Variants in GPAT4 observed in about 807,000 individuals in gnomAD.
GPAT4 encodes 1-AGP acyltransferase 6.
Under a neutral mutation model 58.0 loss-of-function variants are expected in GPAT4, and 17 were observed. The ratio of observed to expected loss-of-function variants is 0.29; its 90% CI spans 0.20 to 0.44. The LOEUF is 0.44. GPAT4 is among the 20% of genes least tolerant of loss of function. The pLI, the probability that GPAT4 is intolerant of heterozygous loss-of-function variation, is 1.00. For synonymous variants in GPAT4, 204 were observed against 210.1 expected (o/e 0.97, Z 0.25); for missense variants, 377 against 574.5 (o/e 0.66, Z 3.51).
chr8:41,600,983 C>T (rs1225592354), intron 2 of GPAT4, among the ~76,000 whole-genome samples: 2 of 152,034 alleles, frequency 1.3e-5, no homozygotes, highest in Non-Finnish European at 2.9e-5. Context: ...TACTGTATGT[C>T]TCTACCATAA....
At chr8:41,618,081 C>A (rs1803645332) in intron 10 of GPAT4, among the ~76,000 whole-genome samples, 1 of 152,234 alleles carries the variant, frequency 6.6e-6, no homozygotes, top group African/African-American at 2.4e-5. Flanking sequence ...TTGAGACCTC[C>A]CAAGGCTGTC....
At chr8:41,618,557 T>C in intron 10 of GPAT4, 127 bp from the exon 11 acceptor site, 8 of 1,221,406 alleles carry the variant, frequency 6.5e-6, no homozygotes, top group Admixed American at 1.8e-5. Flanking sequence ...ACAGTACTCA[T>C]GCAAGGTCAG....
At chr8:41,592,470 G>A (rs543495435) in intron 1 of GPAT4, among the ~76,000 whole-genome samples, 2 of 152,248 alleles carry the variant, frequency 1.3e-5, no homozygotes, top group South Asian at 4.1e-4. Context: ...GCCTTCTCTA[G>A]CTATGCAATA....
intron 1 of GPAT4, among the ~76,000 whole-genome samples, chr8:41,594,946 T>A (rs1802887099): frequency 6.6e-6 from 1 of 152,124 alleles, no homozygotes; most frequent in Non-Finnish European, 1.5e-5. Context: ...TTTCTGAAGA[T>A]GATAACCATT....
chr8:41,618,891 C>A lies in GPAT4; in HGVS notation c.1183-7C>A. ...GGCTGAGTGGTCTCATTTGTTCTTT[C>A]TTACAGGCAGATGAAGATGCTGTCC... On this transcript the variant is annotated splice_polypyrimidine_tract_variant and splice_region_variant and intron_variant, in intron 11 of 12. Coordinates refer to ENST00000396987, the MANE Select transcript of GPAT4 (RefSeq NM_178819.4). 1.2e-6 allele frequency: 2 copies of A among 1,614,210 alleles called. No homozygotes were observed. The highest frequency in any genetic ancestry group is 1.7e-6 in the Non-Finnish European group (2 of 1,180,038).
Position 41,621,285 on chromosome 8 carries a change from T to G in GPAT4, c.*284T>G. Reference sequence around the variant, plus strand: ...TTGGAGGAATGCCATTAAAGTGAACTCCCCACCTTTGCACGCTGTGCGGGC... The same window carrying G: ...TTGGAGGAATGCCATTAAAGTGAACGCCCCACCTTTGCACGCTGTGCGGGC... On this transcript the variant is annotated 3_prime_UTR_variant, in exon 13 of 13. Transcript: ENST00000396987. The G allele has an allele frequency of 2.3e-6, 1 of 431,992 alleles. No homozygotes were observed. The highest frequency in any genetic ancestry group is 2.6e-5 in the South Asian group (1 of 38,408). 26.8% of individuals were successfully genotyped at this position (431,992 alleles called of 1,614,324 possible). A position where few individuals can be genotyped will look rare whatever the true frequency, so the allele number is the denominator to read the frequency against.
intron 10 of GPAT4, among the ~76,000 whole-genome samples, chr8:41,618,183 G>A (rs1001007699): frequency 6.6e-6 from 1 of 152,092 alleles, no homozygotes; most frequent in African/African-American, 2.4e-5. Context: ...CCCTGGTCTG[G>A]GCACCAGAAA....
At chr8:41,609,511 C>T (rs759802328) in intron 3 of GPAT4, 26 bp downstream of exon 3, 7 of 1,612,416 alleles carry the variant, frequency 4.3e-6, no homozygotes, top group East Asian at 2.2e-5. Context: ...GATCCTTGTC[C>T]TGAGAGGTCC....
chr8:41,604,626 G>A (rs545303219), intron 2 of GPAT4, among the ~76,000 whole-genome samples: 9 of 152,220 alleles, frequency 5.9e-5, no homozygotes, highest in Non-Finnish European at 1.2e-4. Flanking sequence ...AAGCCTGGAT[G>A]TAAAGGAGAA....
At chr8:41,614,268 T>A (rs1306451547) in intron 8 of GPAT4, 118 bp from the exon 9 acceptor site, 1 of 818,988 alleles carries the variant, frequency 1.2e-6, no homozygotes, top group Non-Finnish European at 1.9e-6. Context: ...GATACAGTTA[T>A]GCTTGTTAAC....
chr8:41,614,484 G>GC, intron 9 of GPAT4, 43 bp downstream of exon 9: 4 of 1,586,486 alleles, frequency 2.5e-6, no homozygotes, highest in Non-Finnish European at 3.5e-6. Context: ...TGTGGGGAGT[G>GC]CAGGAGTGTG....
rs1162702658 is a variant in GPAT4 at position 41,605,543 on chromosome 8, GTGTTTTGTTTGTTTGTTTGTT to G, written c.166-3867_166-3847del. Among the ~76,000 whole-genome samples the G allele has an allele frequency of 9.6e-4, 133 of 137,834 alleles. 2 individuals are homozygous for G. The South Asian group carries it at 0.034, about 35-fold the overall frequency. The allele number at this position is 137,834 out of a possible 152,430, so 90.4% of individuals were successfully genotyped here. A position where few individuals can be genotyped will look rare whatever the true frequency, so the allele number is the denominator to read the frequency against. The stretch of plus-strand genomic sequence containing the variant: ...AGGCATTGAGAAATCATTGAAGGTT[GTGTTTTGTTTGTTTGTTTGTT>G]TGTTTGTTTGTTTGTTTGTTTGTTT... On this transcript the variant is annotated intron_variant, in intron 2 of 12. Coordinates refer to ENST00000396987, the MANE Select transcript of GPAT4 (RefSeq NM_178819.4).
At chr8:41,620,734 G>A (rs2150509234) in intron 12 of GPAT4, among the ~76,000 whole-genome samples, 159 bp from the exon 13 acceptor site, 1 of 152,266 alleles carries the variant, frequency 6.6e-6, no homozygotes, top group East Asian at 1.9e-4. Flanking sequence ...GGATCCCGGA[G>A]CCCCAAATCC....
chr8:41,610,696 T>C (rs771471776), intron 4 of GPAT4, 40 bp from the exon 5 acceptor site: 1 of 1,594,968 alleles, frequency 6.3e-7, no homozygotes, highest in Non-Finnish European at 8.5e-7. Flanking sequence ...CTTGGTAGAA[T>C]GATTTGCTGG....
chr8:41,617,185 A>C (rs1803618631), intron 10 of GPAT4, among the ~76,000 whole-genome samples: 1 of 152,158 alleles, frequency 6.6e-6, no homozygotes, highest in Non-Finnish European at 1.5e-5. Flanking sequence ...AATATGGTGA[A>C]ACCCCGTCTC....
rs1041454554 is a variant in GPAT4, at chr8:41,612,209, G to C, written c.731G>C (p.Cys244Ser). Reference protein sequence around the residue: ...RENRPRNGGICVANHTSPIDV... With the variant: ...RENRPRNGGISVANHTSPIDV... The stretch of plus-strand genomic sequence containing the variant: ...AACAGACCAAGAAATGGTGGCATCT[G>C]TGTGGCCAATCATACCTCACCGATC... Residue 244 changes from cysteine to serine, a missense_variant, in exon 7 of 13, where the codon TGT becomes TCT. Physicochemically the swap from Cys to Ser is moderately radical, Grantham distance 112. Coordinates refer to ENST00000396987, the MANE Select transcript of GPAT4 (RefSeq NM_178819.4). 11 of 1,614,252 alleles carry C rather than the reference G, an allele frequency of 6.8e-6. No homozygotes were observed. The highest frequency in any genetic ancestry group is 7.6e-6 in the Non-Finnish European group (9 of 1,180,052).
rs1226505042 is a variant in GPAT4, at chr8:41,618,927, T to C, written c.1212T>C (p.Asn404=). The C allele has an allele frequency of 1.2e-5, 20 of 1,614,234 alleles. No individual in the cohort carries two copies. The highest frequency in any genetic ancestry group is 3.3e-5 in the Admixed American group (2 of 60,032). Residue 404 remains asparagine, a synonymous_variant, in exon 12 of 13, where the codon AAT becomes AAC. Coordinates refer to ENST00000396987, the MANE Select transcript of GPAT4 (RefSeq NM_178819.4). ...EADEDAVQFA[N]RVKSAIARQG... ...ATGAAGATGCTGTCCAGTTTGCGAA[T>C]AGGGTGAAATCTGCCATTGCCAGGC...
chr8:41,592,559 G>A (rs1802816509), intron 1 of GPAT4, among the ~76,000 whole-genome samples: 1 of 152,140 alleles, frequency 6.6e-6, no homozygotes, highest in African/African-American at 2.4e-5. Flanking sequence ...CAGGAACTGG[G>A]TCTGTAGGTA....
intron 9 of GPAT4, among the ~76,000 whole-genome samples, 161 bp downstream of exon 9, chr8:41,614,602 G>A (rs1803541909): frequency 6.6e-6 from 1 of 152,142 alleles, no homozygotes; most frequent in Non-Finnish European, 1.5e-5. Flanking sequence ...TAAAAACTCA[G>A]GTAAGTTCAG....
Sources: allele counts gnomAD v4.1 joint callset (sites outside exome capture counted in the v4.1 genomes callset), GRCh38; gene constraint gnomAD v4.1.1; transcripts MANE v1.5; gene names NCBI Gene and HGNC (gene_info 2026-07-23, HGNC 2026-07-21).